GCNT4: variants seen among roughly 807,000 people sequenced by gnomAD.
GCNT4 encodes the protein beta-1,3-galactosyl-O-glycosyl-glycoprotein beta-1,6-N-acetylglucosaminyltransferase 4.
GCNT4 carries 17 observed loss-of-function variants against 31.3 expected under a neutral mutation model. That is an observed-to-expected ratio of 0.54 (90% CI 0.37 to 0.81). GCNT4 has a LOEUF of 0.81. GCNT4 is among the 40% of genes least tolerant of loss of function. The pLI is 0.00. For synonymous variants in GCNT4, 158 were observed against 190.6 expected (o/e 0.83, Z 1.41); for missense variants, 503 against 525.5 (o/e 0.96, Z 0.42).
At chr5:75,022,214 A>G (rs1432130006), downstream of GCNT4, among the ~76,000 whole-genome samples, 2 of 152,224 alleles carry the variant, frequency 1.3e-5, no homozygotes, top group Non-Finnish European at 2.9e-5. Context: ...TAAAATAGTT[A>G]CAAGTATGGC....
chr5:75,036,232 T>C (rs538102681), intron 3 of GCNT4, among the ~76,000 whole-genome samples: 1 of 152,166 alleles, frequency 6.6e-6, no homozygotes, highest in Non-Finnish European at 1.5e-5. Flanking sequence ...CTGTAGTTAT[T>C]AATAATGTAG....
At chr5:75,020,529 CTGA>C (rs1316097734), downstream of GCNT4, among the ~76,000 whole-genome samples, 13 of 152,066 alleles carry the variant, frequency 8.5e-5, no homozygotes, top group East Asian at 2.5e-3. Context: ...AAGAGAGCTG[CTGA>C]TGAGAGAGCT....
chr5:75,028,777 T>C lies in GCNT4; in HGVS notation c.1261A>G (p.Ile421Val). Residue 421 changes from isoleucine to valine, a missense_variant, in exon 4 of 4, where the codon ATT becomes GTT. Transcript: ENST00000652361. ...KFDSKVDPIL[I>V]KCLAEKLEEQ... ...TCAAGCTTTTCTGCCAAGCATTTAA[T>C]CAAGATAGGGTCCACCTTAGAATCA... The C allele has an allele frequency of 1.9e-6, 3 of 1,614,072 alleles. No individual in the cohort carries two copies. The highest frequency in any genetic ancestry group is 2.5e-6 in the Non-Finnish European group (3 of 1,180,008).
chr5:75,032,920 T>A (rs969747753), intron 3 of GCNT4, among the ~76,000 whole-genome samples: 1 of 142,280 alleles, frequency 7.0e-6, no homozygotes, highest in Non-Finnish European at 1.5e-5. Context: ...TGTGTGTGTG[T>A]GTGATTAATT....
chr5:75,032,026 T>C (rs73765651), intron 3 of GCNT4, among the ~76,000 whole-genome samples: 23,060 of 152,198 alleles, frequency 0.15, 1,849 homozygotes, highest in Middle Eastern at 0.22. Flanking sequence ...ATTTCATCTA[T>C]ACAGACCCAT....
chr5:75,043,939 C>T (rs1743379570), intron 3 of GCNT4, among the ~76,000 whole-genome samples: 1 of 152,168 alleles, frequency 6.6e-6, no homozygotes, highest in African/African-American at 2.4e-5. Flanking sequence ...TATTTAGAGG[C>T]AGATGGAGGC....
intron 2 of GCNT4, among the ~76,000 whole-genome samples, chr5:75,050,804 C>T (rs1743552564): frequency 6.6e-6 from 1 of 152,364 alleles, no homozygotes; most frequent in Non-Finnish European, 1.5e-5. Flanking sequence ...ATCCGCCCAA[C>T]GTGTCATCCC....
At chr5:75,044,191 C>G (rs150697220) in intron 3 of GCNT4, among the ~76,000 whole-genome samples, 58 of 152,140 alleles carry the variant, frequency 3.8e-4, no homozygotes, top group African/African-American at 8.9e-4. Flanking sequence ...TTGGAACCAG[C>G]TTTTCAACAA....
chr5:75,028,891 T>A lies in GCNT4; in HGVS notation c.1147A>T (p.Thr383Ser). The A allele has an allele frequency of 7.4e-6, 12 of 1,614,048 alleles. No individual in the cohort carries two copies. Among genetic ancestry groups the A allele is most frequent in the Non-Finnish European group, 1.0e-5 (12 of 1,179,994 alleles). ...YYEGFFYPSC[T>S]GSHLRSVCIY... ...CACACGCTTCGAAGGTGAGATCCAG[T>A]ACAACTGGGATAGAAAAAGCCTTCA... is the stretch of plus-strand genomic sequence containing the variant. Residue 383 changes from threonine to serine, a missense_variant, in exon 4 of 4, where the codon ACT becomes TCT. Physicochemically the swap from Thr to Ser is moderately conservative, Grantham distance 58. Transcript: ENST00000652361.
chr5:75,021,357 A>G (rs1742878353), downstream of GCNT4, among the ~76,000 whole-genome samples: 1 of 152,178 alleles, frequency 6.6e-6, no homozygotes. Flanking sequence ...AAGTCCCAAG[A>G]GCCCTGATTA....
intron 2 of GCNT4, among the ~76,000 whole-genome samples, chr5:75,051,132 T>C (rs936848041): frequency 2.0e-5 from 3 of 152,156 alleles, no homozygotes; most frequent in Non-Finnish European, 4.4e-5. Flanking sequence ...GCACACACCA[T>C]TCCCGGGGAT....
chr5:75,018,413 C>G, the GCNT4 span, among the ~76,000 whole-genome samples: 1 of 152,148 alleles, frequency 6.6e-6, no homozygotes, highest in Admixed American at 6.5e-5. Context: ...TCCTGAGTAG[C>G]TGTGATTACA....
downstream of GCNT4, among the ~76,000 whole-genome samples, chr5:75,022,242 C>T (rs1580232566): frequency 1.3e-5 from 2 of 152,056 alleles, no homozygotes; most frequent in Admixed American, 1.3e-4. Context: ...CGGTTGAAAA[C>T]AATTTTAGGA....
rs1000527555 is a variant in GCNT4, at chr5:75,027,820, A to T, written c.*856T>A. On this transcript the variant is annotated 3_prime_UTR_variant, in exon 4 of 4. Coordinates refer to ENST00000652361, the MANE Select transcript of GCNT4 (RefSeq NM_001366737.1). ...TAGAATGATAACTTATGAATTGAGGACTTAGGCTTAATGTTCTGGTGTGTG... is the reference window on the plus strand; with the variant it reads ...TAGAATGATAACTTATGAATTGAGGTCTTAGGCTTAATGTTCTGGTGTGTG... The T allele has an allele frequency of 1.4e-5, 2 of 147,228 alleles. No homozygotes were observed. The highest frequency in any genetic ancestry group is 5.4e-5 in the African/African-American group (2 of 37,244). The allele number at this position is 147,228 out of a possible 1,614,324, so 9.1% of individuals were successfully genotyped here.
chr5:75,035,373 G>A lies in GCNT4; in HGVS notation c.-1-5335C>T, dbSNP rs568805019. ...GGAAGACTGAGGAAAAAAGGACAGA[G>A]TAAGGCTGAGTTTAGGGACCAAGAA... On this transcript the variant is annotated intron_variant, in intron 3 of 3. Coordinates refer to ENST00000652361, the MANE Select transcript of GCNT4 (RefSeq NM_001366737.1). Among the ~76,000 whole-genome samples the A allele has an allele frequency of 2.6e-5, 4 of 152,368 alleles. No homozygotes were observed. In the South Asian group the frequency reaches 8.3e-4, roughly 32 times the overall value.
At chr5:75,044,736 G>A (rs1191501917) in intron 3 of GCNT4, among the ~76,000 whole-genome samples, 10 of 152,082 alleles carry the variant, frequency 6.6e-5, no homozygotes, top group African/African-American at 1.9e-4. Flanking sequence ...CTGCGGGGTA[G>A]ACTGGTACAG....
intron 3 of GCNT4, among the ~76,000 whole-genome samples, chr5:75,031,562 C>T (rs1402870783): frequency 2.0e-5 from 3 of 152,172 alleles, no homozygotes; most frequent in African/African-American, 4.8e-5. Flanking sequence ...ATTCAGCCCA[C>T]AGCTGTAGTG....
At chr5:75,020,291 C>T in the GCNT4 span, among the ~76,000 whole-genome samples, 20 of 152,196 alleles carry the variant, frequency 1.3e-4, no homozygotes, top group East Asian at 1.9e-4. Flanking sequence ...CGGCATGGCA[C>T]GGCACAGCTT....
At chr5:75,032,295 C>T (rs1743080855) in intron 3 of GCNT4, among the ~76,000 whole-genome samples, 2 of 152,190 alleles carry the variant, frequency 1.3e-5, no homozygotes, top group African/African-American at 4.8e-5. Flanking sequence ...CCTTTCCCTC[C>T]AGCCTTCACC....
Sources: allele counts gnomAD v4.1 joint callset (sites outside exome capture counted in the v4.1 genomes callset), GRCh38; gene constraint gnomAD v4.1.1; transcripts MANE v1.5; gene names NCBI Gene and HGNC (gene_info 2026-07-23, HGNC 2026-07-21).